Variants in SYPL2 observed in about 807,000 individuals in gnomAD.
The protein encoded by SYPL2 is synaptophysin-like protein 2.
SYPL2 carries 24 observed loss-of-function variants against 31.3 expected under a neutral mutation model. The observed-to-expected ratio is 0.77, with a 90% CI of 0.56 to 1.08. SYPL2 has a LOEUF of 1.08. Ranked by LOEUF, SYPL2 falls within the 50% of genes least tolerant of loss-of-function variation. The pLI, the probability that SYPL2 is intolerant of heterozygous loss-of-function variation, is 0.00. For missense variants in SYPL2, 342 were observed against 360.1 expected, an observed-to-expected ratio of 0.95 and a Z score of 0.41; for synonymous variants, 144 against 143.1, an observed-to-expected ratio of 1.01 and a Z score of -0.05.
At chr1:109,467,917 TC>T (rs1655706105) in intron 2 of SYPL2, among the ~76,000 whole-genome samples, 2 of 152,142 alleles carry the variant, frequency 1.3e-5, no homozygotes, top group African/African-American at 4.8e-5. Flanking sequence ...TAGATGTTGA[TC>T]AGAACCTTCC....
chr1:109,467,247 A>G (rs1571056539), intron 2 of SYPL2, 114 bp downstream of exon 2: 11 of 77,780 alleles, frequency 1.4e-4, no homozygotes, highest in Middle Eastern at 4.1e-3. Context: ...CCACGGCGGA[A>G]GGGTGGGGGG....
intron 2 of SYPL2, 99 bp from the exon 3 acceptor site, chr1:109,475,482 C>G (rs990884210): frequency 6.7e-7 from 1 of 1,492,814 alleles, no homozygotes; most frequent in Non-Finnish European, 9.0e-7. Context: ...CTCCCCCACT[C>G]CCGCACTTAA....
chr1:109,466,988 G>A, intron 1 of SYPL2, 71 bp from the exon 2 acceptor site: 1 of 1,535,506 alleles, frequency 6.5e-7, no homozygotes, highest in Non-Finnish European at 8.7e-7. Flanking sequence ...GCGTGTGAGT[G>A]GGGCAAGGGG....
Position 109,481,705 on chromosome 1 carries a change from C to T in SYPL2, c.*2157C>T, listed in dbSNP as rs1656165893. ...CTCAAGAGGCTCTCTTGTTCTCCAT[C>T]AGGAGAGCCTTGATTTAGGCTACGG... On this transcript the variant is annotated 3_prime_UTR_variant, in exon 6 of 6. Transcript: ENST00000369872. 6.6e-6 allele frequency: 1 copy of T among 152,164 alleles called. No homozygotes were observed. The highest frequency in any genetic ancestry group is 6.5e-5 in the Admixed American group (1 of 15,286). The allele number at this position is 152,164 out of a possible 1,614,324, so 9.4% of individuals were successfully genotyped here.
intron 2 of SYPL2, among the ~76,000 whole-genome samples, chr1:109,471,482 A>G (rs956317995): frequency 3.9e-5 from 6 of 152,258 alleles, no homozygotes; most frequent in Non-Finnish European, 7.3e-5. Context: ...ACTTTTGGTA[A>G]TAATGGAAAA....
chr1:109,472,980 T>C (rs930258715), intron 2 of SYPL2, among the ~76,000 whole-genome samples: 1 of 152,108 alleles, frequency 6.6e-6, no homozygotes, highest in Non-Finnish European at 1.5e-5. Context: ...CGGGTAAAAA[T>C]ATTTCCAACT....
At chr1:109,477,548 G>T (rs765998744) in intron 4 of SYPL2, among the ~76,000 whole-genome samples, 1 of 152,118 alleles carries the variant, frequency 6.6e-6, no homozygotes, top group Non-Finnish European at 1.5e-5. Context: ...GGATGAGTGG[G>T]TTTTGGGGTG....
Position 109,476,896 on chromosome 1 carries a change from C to A in SYPL2, c.375C>A (p.Ser125=), listed in dbSNP as rs376117712. The part of the protein sequence containing the change: ...AEFFVTLGIF[S]FFYTMAALVI... Reference sequence around the variant, plus strand: ...TCTTCGTGACCCTTGGCATCTTTTCCTTCTTCTATACCATGGCTGCCCTAG... The same window carrying A: ...TCTTCGTGACCCTTGGCATCTTTTCATTCTTCTATACCATGGCTGCCCTAG... Residue 125 remains serine (S), a synonymous_variant, in exon 4 of 6, where the codon TCC becomes TCA. Transcript: ENST00000369872. 6.8e-6 allele frequency: 11 copies of A among 1,614,044 alleles called. No individual in the cohort carries two copies. Among genetic ancestry groups the A allele is most frequent in the Non-Finnish European group, 9.3e-6 (11 of 1,180,002 alleles).
chr1:109,479,404 G>A lies in SYPL2; in HGVS notation c.675G>A (p.Leu225=), dbSNP rs766233244. The A allele has an allele frequency of 2.5e-6, 4 of 1,613,810 alleles. No homozygotes were observed. In the Admixed American group the frequency reaches 5.0e-5, roughly 20 times the overall value. ...TCTTTGGCTTTATCAACTTCTTCCTGTGGGCCGGGAACTGTTGGTTTGTGT... is the reference window on the plus strand; with the variant it reads ...TCTTTGGCTTTATCAACTTCTTCCTATGGGCCGGGAACTGTTGGTTTGTGT... ...SVLFGFINFF[L]WAGNCWFVFK... Residue 225 remains leucine (L), a synonymous_variant, in exon 6 of 6, where the codon CTG becomes CTA. Coordinates refer to ENST00000369872, the MANE Select transcript of SYPL2 (RefSeq NM_001040709.2).
chr1:109,476,243 G>T (rs1474659830), intron 3 of SYPL2, among the ~76,000 whole-genome samples: 1 of 152,138 alleles, frequency 6.6e-6, no homozygotes, highest in East Asian at 1.9e-4. Context: ...ATGGGGATGA[G>T]GCTCACCTTT....
chr1:109,481,407 A>C lies in SYPL2; in HGVS notation c.*1859A>C, dbSNP rs1025457124. 1.3e-5 allele frequency: 2 copies of C among 152,584 alleles called. No homozygotes were observed. The highest frequency in any genetic ancestry group is 2.9e-5 in the Non-Finnish European group (2 of 68,046). The allele number at this position is 152,584 out of a possible 1,614,324, so 9.5% of individuals were successfully genotyped here. A position where few individuals can be genotyped will look rare whatever the true frequency, so the allele number is the denominator to read the frequency against. ...GCCTACAGCTCCAGAGACACAGAGA[A>C]CAAAGGGGTGACCTTCATTTTTCTT... On this transcript the variant is annotated 3_prime_UTR_variant, in exon 6 of 6. Transcript: ENST00000369872.
chr1:109,466,650 C>T lies in SYPL2; in HGVS notation c.-194C>T. 1 of 481,654 alleles carries T rather than the reference C, an allele frequency of 2.1e-6. No individual in the cohort carries two copies. Among genetic ancestry groups the T allele is most frequent in the Non-Finnish European group, 3.4e-6 (1 of 294,912 alleles). 29.8% of individuals were successfully genotyped at this position (481,654 alleles called of 1,614,324 possible). A position where few individuals can be genotyped will look rare whatever the true frequency, so the allele number is the denominator to read the frequency against. On this transcript the variant is annotated 5_prime_UTR_variant, in exon 1 of 6. It adds an upstream start codon to the 5' untranslated region. Transcript: ENST00000369872. ...GCGGCGGCCGCAGCCTCTGAGAGCA[C>T]GAACAGCAGCGCCCCCGCGTCCCAG...
At position 109,480,187 on chromosome 1, in the gene SYPL2, C is replaced by T. The variant is rs1049545136; in HGVS notation, c.*639C>T. Reference sequence around the variant, plus strand: ...AGCCCTTCAGAGGGTCCTGATGAGGCCTTCCTGGACTCAGCTGGGAGCAAG... The same window carrying T: ...AGCCCTTCAGAGGGTCCTGATGAGGTCTTCCTGGACTCAGCTGGGAGCAAG... On this transcript the variant is annotated 3_prime_UTR_variant, in exon 6 of 6. Coordinates refer to ENST00000369872, the MANE Select transcript of SYPL2 (RefSeq NM_001040709.2). 2.6e-5 allele frequency: 4 copies of T among 152,230 alleles called. No homozygotes were observed. Among genetic ancestry groups the T allele is most frequent in the African/African-American group, 9.7e-5 (4 of 41,430 alleles). The allele number at this position is 152,230 out of a possible 1,614,324, so 9.4% of individuals were successfully genotyped here.
Position 109,479,416 on chromosome 1 carries a change from C to G in SYPL2, c.687C>G (p.Asn229Lys), listed in dbSNP as rs752374549. The G allele has an allele frequency of 1.9e-6, 3 of 1,614,026 alleles. No individual in the cohort carries two copies. In the African/African-American group the frequency reaches 4.0e-5, roughly 22 times the overall value. The change falls in exon 6 of 6, where the codon AAC becomes AAG. Residue 229 changes from asparagine to lysine, a missense_variant. Transcript: ENST00000369872. ...TCAACTTCTTCCTGTGGGCCGGGAA[C>G]TGTTGGTTTGTGTTCAAGGAGACCC... ...GFINFFLWAG[N>K]CWFVFKETPW... is the part of the protein sequence containing the mutation.
At chr1:109,479,338 C>T (rs1175514376) in intron 5 of SYPL2, 40 bp from the exon 6 acceptor site, 2 of 1,607,220 alleles carry the variant, frequency 1.2e-6, no homozygotes, top group East Asian at 2.2e-5. Context: ...CCACAATGAC[C>T]CCCTGACTAT....
Position 109,481,172 on chromosome 1 carries a change from C to G in SYPL2, c.*1624C>G, listed in dbSNP as rs1656150787. On this transcript the variant is annotated 3_prime_UTR_variant, in exon 6 of 6. Transcript: ENST00000369872. ...TCAGGACTTTTGACTTCAGGCCAGT[C>G]ATTTCCTCCCGATGGGGAAAGGGTG... is the stretch of plus-strand genomic sequence containing the variant. 1 of 152,668 alleles carries G rather than the reference C, an allele frequency of 6.6e-6. No individual in the cohort carries two copies. The highest frequency in any genetic ancestry group is 6.5e-5 in the Admixed American group (1 of 15,284). The allele number at this position is 152,668 out of a possible 1,614,324, so 9.5% of individuals were successfully genotyped here.
intron 2 of SYPL2, among the ~76,000 whole-genome samples, chr1:109,467,472 G>T (rs902487513): frequency 6.6e-6 from 1 of 152,162 alleles, no homozygotes; most frequent in Non-Finnish European, 1.5e-5. Flanking sequence ...GGTGACGGGA[G>T]GGGGGAGAAG....
chr1:109,474,310 T>TTTCTTTTC (rs1449231247), intron 2 of SYPL2, among the ~76,000 whole-genome samples: 1 of 124,274 alleles, frequency 8.0e-6, no homozygotes, highest in Non-Finnish European at 1.7e-5. Context: ...TCTTTTTTCT[T>TTTCTTTTC]TTCTTTTCTT....
At position 109,475,590 on chromosome 1, in the gene SYPL2, A is replaced by C; in HGVS notation, c.139A>C (p.Ile47Leu). 6.2e-7 allele frequency: 1 copy of C among 1,613,944 alleles called. No individual in the cohort carries two copies. Among genetic ancestry groups the C allele is most frequent in the Non-Finnish European group, 8.5e-7 (1 of 1,179,902 alleles). ...FIKVLQWLFAIFAFGSCGSYS... is the reference protein window; with the variant it reads ...FIKVLQWLFALFAFGSCGSYS... ...CTTCACTCTCTCTCAGCTCTTTGCT[A>C]TTTTCGCCTTCGGGTCCTGTGGCTC... The change falls in exon 3 of 6, where the codon ATT (isoleucine) becomes CTT (leucine). Residue 47 changes from isoleucine to leucine, a missense_variant. By Grantham distance (5) the Ile-to-Leu change is conservative. Coordinates refer to ENST00000369872, the MANE Select transcript of SYPL2 (RefSeq NM_001040709.2).
Sources: allele counts gnomAD v4.1 joint callset (sites outside exome capture counted in the v4.1 genomes callset), GRCh38; gene constraint gnomAD v4.1.1; transcripts MANE v1.5; gene names NCBI Gene and HGNC (gene_info 2026-07-23, HGNC 2026-07-21).